MAN2C1: variants seen among roughly 807,000 people sequenced by gnomAD.
MAN2C1 encodes mannosidase alpha class 2C member 1, also known as alpha-mannosidase 2C1.
A neutral mutation model predicts 126.9 loss-of-function variants in MAN2C1; 111 were observed. The ratio of observed to expected loss-of-function variants is 0.87; its 90% CI spans 0.75 to 1.02. The LOEUF (loss-of-function observed/expected upper bound fraction) is 1.02, where lower values mean the gene tolerates loss of function less well. Ranked by LOEUF, MAN2C1 falls within the 50% of genes least tolerant of loss-of-function variation. The pLI, the probability that MAN2C1 is intolerant of heterozygous loss-of-function variation, is 0.00. For missense variants in MAN2C1, 1,363 were observed against 1,364.4 expected (o/e 1.00, Z 0.02); for synonymous variants, 567 against 561.5 (o/e 1.01, Z -0.14).
intron 3 of MAN2C1, among the ~76,000 whole-genome samples, chr15:75,366,905 G>A (rs147677321): frequency 4.9e-4 from 74 of 152,256 alleles, no homozygotes; most frequent in African/African-American, 1.6e-3. Flanking sequence ...AATAAATACC[G>A]GGAAAGAAAC....
chr15:75,358,903 A>G, intron 18 of MAN2C1, 95 bp from the exon 19 acceptor site: 2 of 1,348,294 alleles, frequency 1.5e-6, no homozygotes, highest in South Asian at 1.2e-5. Flanking sequence ...GACCCAGTGG[A>G]CAGGGGACTA....
Position 75,356,936 on chromosome 15 carries a change from C to G in MAN2C1, c.2548-34G>C. ...CAGATCCAAGACCCACTTGGTGGCC[C>G]TGTGCCCCTCTTTGTGCTCCCAGAC... On this transcript the variant is annotated intron_variant, in intron 21 of 25. Transcript: ENST00000267978. This position sits in a 1 kb window ranked among gnomAD's most constrained non-coding sequence, Gnocchi z 5.8. 1 of 1,568,776 alleles carries G rather than the reference C, an allele frequency of 6.4e-7. No homozygotes were observed. The highest frequency in any genetic ancestry group is 8.8e-7 in the Non-Finnish European group (1 of 1,139,788).
In MAN2C1 at chr15:75,362,919, A is replaced by C; in HGVS notation, c.791-171T>G. 1.6e-6 allele frequency: 1 copy of C among 614,798 alleles called. No individual in the cohort carries two copies. The highest frequency in any genetic ancestry group is 2.7e-5 in the Admixed American group (1 of 36,486). The allele number at this position is 614,798 out of a possible 1,614,324, so 38.1% of individuals were successfully genotyped here. On this transcript the variant is annotated intron_variant, in intron 6 of 25. Coordinates refer to ENST00000267978, the MANE Select transcript of MAN2C1 (RefSeq NM_006715.4). This position sits in a 1 kb window ranked among gnomAD's most constrained non-coding sequence, Gnocchi z 4.5. ...CACTTCACTCCAGCGAGGTGGGAGG[A>C]GGGGCTGGGGAAAGGAGGCGGCAGT... is the stretch of plus-strand genomic sequence containing the variant.
chr15:75,365,703 G>A (rs1595879222), intron 4 of MAN2C1: 2 of 217,964 alleles, frequency 9.2e-6, no homozygotes, highest in South Asian at 4.8e-5. Context: ...TCCAGCCTGG[G>A]TAACAAAAGC....
In MAN2C1 at chr15:75,362,350, A is replaced by G. The variant is rs1401114592; in HGVS notation, c.1001T>C (p.Val334Ala). The part of the protein sequence containing the change: ...GQFVPVGGTW[V>A]EMDGNLPSGE... ...AGTGCCCAGTGCACTTACCATCTCC[A>G]CCCAGGTGCCCCCCACAGGCACAAA... The change falls in exon 8 of 26, where the codon GTG (valine) becomes GCG (alanine). Residue 334 changes from valine (V) to alanine (A), a missense_variant. Val to Ala is a moderately conservative substitution (Grantham distance 64). Around this residue, in one of 3 missense-constraint regions of MAN2C1, gnomAD observed 628 missense variants for 609.8 expected, o/e 1.03. Coordinates refer to ENST00000267978, the MANE Select transcript of MAN2C1 (RefSeq NM_006715.4). This position sits in a 1 kb window ranked among gnomAD's most constrained non-coding sequence, Gnocchi z 4.5. The G allele has an allele frequency of 6.2e-7, 1 of 1,613,344 alleles. No individual in the cohort carries two copies. Among genetic ancestry groups the G allele is most frequent in the Non-Finnish European group, 8.5e-7 (1 of 1,179,750 alleles).
At chr15:75,357,161 TCA>T (rs2072340561) in intron 21 of MAN2C1, 3 of 455,896 alleles carry the variant, frequency 6.6e-6, no homozygotes, top group Non-Finnish European at 1.2e-5. Context: ...TTTGTTTTTT[TCA>T]CACAGGATCT....
chr15:75,358,230 T>C lies in MAN2C1; in HGVS notation c.2518A>G (p.Asn840Asp). The change falls in exon 21 of 26, where the codon AAT becomes GAT. Residue 840 changes from asparagine (N) to aspartate (D), a missense_variant. This residue lies in a region of MAN2C1 where 668 missense variants were observed against 650.1 expected (regional missense o/e 1.03). Coordinates refer to ENST00000267978, the MANE Select transcript of MAN2C1 (RefSeq NM_006715.4). Reference sequence around the variant, plus strand: ...AATCGAGCCCAGTCCCAAGAGGTATTGTAGTGGGTAGGTCGCTGCAGGTGC... The same window carrying C: ...AATCGAGCCCAGTCCCAAGAGGTATCGTAGTGGGTAGGTCGCTGCAGGTGC... ...FGHLQRPTHY[N>D]TSWDWARFEV... 3 of 1,614,096 alleles carry C rather than the reference T, an allele frequency of 1.9e-6. No individual in the cohort carries two copies. The South Asian group carries it at 3.3e-5, about 18-fold the overall frequency.
At position 75,360,123 on chromosome 15, in the gene MAN2C1, AG is replaced by A. The variant is rs767069663; in HGVS notation, c.1672del (p.Leu558TyrfsTer16). ...GTGCTGCAGCTGGGCTGCTGGGTATAGGAACTGGGCACTGCGGGCCAGGGCC... is the reference window on the plus strand; with the variant it reads ...GTGCTGCAGCTGGGCTGCTGGGTATAGAACTGGGCACTGCGGGCCAGGGCC... ...SLALARSAQF[L>X]YPAAQLQHLW... is the part of the protein sequence containing the mutation. On this transcript the variant is annotated frameshift_variant, in exon 14 of 26. Transcript: ENST00000267978. LOFTEE classifies it high-confidence loss of function. 3 of 1,613,974 alleles carry A rather than the reference AG, an allele frequency of 1.9e-6. No homozygotes were observed. In the South Asian group the frequency reaches 3.3e-5, roughly 18 times the overall value.
At chr15:75,360,480 T>G (rs951707500) in intron 13 of MAN2C1, 85 bp downstream of exon 13, 2 of 1,559,298 alleles carry the variant, frequency 1.3e-6, no homozygotes, top group East Asian at 2.3e-5. Context: ...AGATCTGGCC[T>G]GGGCTCTGTC....
chr15:75,367,114 C>T (rs2072590896), intron 3 of MAN2C1, among the ~76,000 whole-genome samples: 1 of 151,936 alleles, frequency 6.6e-6, no homozygotes, highest in Non-Finnish European at 1.5e-5. Context: ...GCTGTGTGAA[C>T]CTGAGTGAGT....
Position 75,358,634 on chromosome 15 carries a change from G to T in MAN2C1, c.2247-16C>A, listed in dbSNP as rs368973661. On this transcript the variant is annotated splice_polypyrimidine_tract_variant and intron_variant, in intron 19 of 25. Coordinates refer to ENST00000267978, the MANE Select transcript of MAN2C1 (RefSeq NM_006715.4). ...CACAGGCTTCCTATGGGACAGGGGT[G>T]GACATACTGATCCAGAGCAGCCTGT... 2.5e-6 allele frequency: 4 copies of T among 1,612,046 alleles called. No individual in the cohort carries two copies. The highest frequency in any genetic ancestry group is 3.4e-6 in the Non-Finnish European group (4 of 1,179,358).
At position 75,362,489 on chromosome 15, in the gene MAN2C1, A is replaced by G; in HGVS notation, c.898-36T>C. 1 of 1,568,970 alleles carries G rather than the reference A, an allele frequency of 6.4e-7. No homozygotes were observed. The highest frequency in any genetic ancestry group is 8.7e-7 in the Non-Finnish European group (1 of 1,152,376). ...GTTGAAGGGAGCTGGGACCAGAGTG[A>G]CAAGGGCCCCACCCAGGACTGAGCA... On this transcript the variant is annotated intron_variant, in intron 7 of 25. Transcript: ENST00000267978. This position sits in a 1 kb window ranked among gnomAD's most constrained non-coding sequence, Gnocchi z 4.5.
At chr15:75,365,823 G>A (rs942574344) in intron 4 of MAN2C1, 6 of 311,656 alleles carry the variant, frequency 1.9e-5, no homozygotes, top group South Asian at 7.0e-5. Flanking sequence ...GGTGGCTCAC[G>A]CCTGTAATTC....
At position 75,359,735 on chromosome 15, in the gene MAN2C1, G is replaced by A. The variant is rs367965869; in HGVS notation, c.1833C>T (p.Ala611=). The change falls in exon 16 of 26, where the codon GCC becomes GCT. Residue 611 remains alanine, a synonymous_variant. Transcript: ENST00000267978. The stretch of plus-strand genomic sequence containing the variant: ...CTGGCTCCCCAGCACACAGGGCTGC[G>A]GCTGCAGCGCTGAGCAGTGTATTGC... ...SHGNTLLSAA[A]AALCAGEPGP... 26 of 1,613,900 alleles carry A rather than the reference G, an allele frequency of 1.6e-5. No homozygotes were observed. Among genetic ancestry groups the A allele is most frequent in the African/African-American group, 5.3e-5 (4 of 74,954 alleles).
chr15:75,356,535 G>A lies in MAN2C1; in HGVS notation c.2737+71C>T. The A allele has an allele frequency of 6.4e-7, 1 of 1,551,512 alleles. No individual in the cohort carries two copies. Among genetic ancestry groups the A allele is most frequent in the Non-Finnish European group, 8.7e-7 (1 of 1,146,076 alleles). ...GAAGGGGCAGGAAGCCAGGTTGCTG[G>A]GGTTTGGGCTCAGGGAAGGGCAGAG... On this transcript the variant is annotated intron_variant, in intron 23 of 25. Transcript: ENST00000267978. This position sits in a 1 kb window ranked among gnomAD's most constrained non-coding sequence, Gnocchi z 5.8.
Position 75,359,546 on chromosome 15 carries a change from G to A in MAN2C1, c.1948+74C>T, listed in dbSNP as rs985467225. ...CCAGTCAGGGGCACCCAGATCCCTCGGGGTATCCCAGGCCTGATCTGTCTG... is the reference window on the plus strand; with the variant it reads ...CCAGTCAGGGGCACCCAGATCCCTCAGGGTATCCCAGGCCTGATCTGTCTG... On this transcript the variant is annotated intron_variant, in intron 16 of 25. Coordinates refer to ENST00000267978, the MANE Select transcript of MAN2C1 (RefSeq NM_006715.4). 3.6e-5 allele frequency: 57 copies of A among 1,580,410 alleles called. No homozygotes were observed. The East Asian group carries it at 4.7e-4, about 13-fold the overall frequency.
chr15:75,361,228 G>T lies in MAN2C1; in HGVS notation c.1315-37C>A, dbSNP rs560205585. 1.9e-6 allele frequency: 3 copies of T among 1,602,598 alleles called. No homozygotes were observed. The highest frequency in any genetic ancestry group is 3.5e-5 in the Admixed American group (2 of 57,634). On this transcript the variant is annotated intron_variant, in intron 11 of 25. Transcript: ENST00000267978. This position sits in a 1 kb window ranked among gnomAD's most constrained non-coding sequence, Gnocchi z 5.0. ...AGGGCAGGCCAGCATGGATCAGCCT[G>T]GAACAAGCCAGCCCTCTCCAGCCTG...
At position 75,355,828 on chromosome 15, in the gene MAN2C1, G is replaced by C; in HGVS notation, c.*78C>G. On this transcript the variant is annotated 3_prime_UTR_variant, in exon 26 of 26. Transcript: ENST00000267978. ...AGGATTTATTCCACAAGAAAAGACT[G>C]ATCCCTGCTTTAGGCTGGGGAAGCA... 18 of 1,547,346 alleles carry C rather than the reference G, an allele frequency of 1.2e-5. No individual in the cohort carries two copies. The South Asian group carries it at 1.9e-4, about 17-fold the overall frequency.
At chr15:75,367,174 G>GA (rs2072592137) in intron 3 of MAN2C1, among the ~76,000 whole-genome samples, 1 of 152,004 alleles carries the variant, frequency 6.6e-6, no homozygotes, top group Admixed American at 6.6e-5. Flanking sequence ...AGACCTACTA[G>GA]ATAGGAGTAT....
Sources: allele counts gnomAD v4.1 joint callset (sites outside exome capture counted in the v4.1 genomes callset), GRCh38; gene constraint gnomAD v4.1.1; regional missense constraint gnomAD v4.1.1; non-coding constraint Gnocchi (gnomAD v3.1); transcripts MANE v1.5; gene names NCBI Gene and HGNC (gene_info 2026-07-23, HGNC 2026-07-21).